TESK2: variants seen among roughly 807,000 people sequenced by gnomAD.
TESK2 encodes the protein dual specificity testis-specific protein kinase 2.
Under a neutral mutation model 57.1 loss-of-function variants are expected in TESK2, and 39 were observed. The observed-to-expected ratio is 0.68, with a 90% CI of 0.53 to 0.89. The LOEUF (loss-of-function observed/expected upper bound fraction) is 0.89, where lower values mean the gene tolerates loss of function less well. Ranked by LOEUF, TESK2 falls within the 40% of genes least tolerant of loss-of-function variation. TESK2 has a pLI of 0.00. For missense variants in TESK2, 646 were observed against 732.1 expected, an observed-to-expected ratio of 0.88 and a Z score of 1.36; for synonymous variants, 249 against 267.9, an observed-to-expected ratio of 0.93 and a Z score of 0.69.
At chr1:45,407,142 G>A (rs1649878105) in intron 3 of TESK2, among the ~76,000 whole-genome samples, 1 of 152,266 alleles carries the variant, frequency 6.6e-6, no homozygotes, top group East Asian at 1.9e-4. Context: ...CTAGAGTGCA[G>A]CGGTGTGATT....
At chr1:45,389,984 CT>C (rs963285345) in intron 3 of TESK2, among the ~76,000 whole-genome samples, 4 of 152,146 alleles carry the variant, frequency 2.6e-5, no homozygotes, top group African/African-American at 9.7e-5. Flanking sequence ...TCCCTTCTGC[CT>C]ACAGAATAAC....
At chr1:45,352,591 TGTC>T (rs1440193914) in intron 5 of TESK2, among the ~76,000 whole-genome samples, 1 of 152,198 alleles carries the variant, frequency 6.6e-6, no homozygotes, top group Non-Finnish European at 1.5e-5. Flanking sequence ...TCAGAAAACT[TGTC>T]GTCTATGTAG....
intron 3 of TESK2, among the ~76,000 whole-genome samples, chr1:45,390,495 CT>C (rs1235043731): frequency 1.3e-5 from 2 of 151,258 alleles, no homozygotes; most frequent in African/African-American, 4.9e-5. Flanking sequence ...CCCTTGCCCC[CT>C]CACTAAAATA....
chr1:45,448,610 CA>C (rs913638289), intron 2 of TESK2, among the ~76,000 whole-genome samples: 5 of 152,046 alleles, frequency 3.3e-5, no homozygotes, highest in African/African-American at 1.2e-4. Context: ...TTCTTTTAAA[CA>C]GCCAGATGTC....
intron 5 of TESK2, 55 bp downstream of exon 5, chr1:45,355,246 TTG>T: frequency 6.3e-7 from 1 of 1,584,292 alleles, no homozygotes; most frequent in Non-Finnish European, 8.6e-7. Flanking sequence ...CACAGCTTTC[TTG>T]GCAAAAGAGA....
intron 3 of TESK2, chr1:45,413,784 T>G (rs1650128850): frequency 4.4e-6 from 2 of 455,352 alleles, no homozygotes; most frequent in Non-Finnish European, 8.8e-6. Flanking sequence ...GGCACATCTG[T>G]GTAATCCTAG....
At chr1:45,466,865 T>C (rs566747068) in intron 1 of TESK2, among the ~76,000 whole-genome samples, 24 of 152,014 alleles carry the variant, frequency 1.6e-4, no homozygotes, top group Admixed American at 1.3e-3. Context: ...CTACATTTTA[T>C]ATTTATTAAC....
chr1:45,373,028 C>CAAAA lies in TESK2; in HGVS notation c.393+12880_393+12883dup, dbSNP rs200182758. Among the ~76,000 whole-genome samples, 15 of 61,008 alleles carry CAAAA rather than the reference C, an allele frequency of 2.5e-4. No individual in the cohort carries two copies. In the South Asian group the frequency reaches 7.2e-3, roughly 29 times the overall value. The allele number at this position is 61,008 out of a possible 152,430, so 40.0% of individuals were successfully genotyped here. A position where few individuals can be genotyped will look rare whatever the true frequency, so the allele number is the denominator to read the frequency against. On this transcript the variant is annotated intron_variant, in intron 4 of 10. Coordinates refer to ENST00000372086, the MANE Select transcript of TESK2 (RefSeq NM_007170.3). ...GGGCAACAAGAGCGAATCTCCGTCT[C>CAAAA]AAAAAAAAAAAAAAAAAAAGAAAAG...
Position 45,345,930 on chromosome 1 carries a change from C to T in TESK2, c.944G>A (p.Arg315His), listed in dbSNP as rs558510789. The T allele has an allele frequency of 4.6e-5, 74 of 1,614,106 alleles. No individual in the cohort carries two copies. In the East Asian group the frequency reaches 1.0e-3, roughly 22 times the overall value. Residue 315 changes from arginine (R) to histidine (H), a missense_variant, in exon 10 of 11, where the codon CGC (arginine) becomes CAC (histidine). Transcript: ENST00000372086. ...CCTCTCCTGCTCTTCTTCCTGTAGG[C>T]GGCTCAGAATTTCCTCCAGGGTCTT... ...IGKTLEEILS[R>H]LQEEEQERDR...
intron 1 of TESK2, among the ~76,000 whole-genome samples, chr1:45,466,948 C>A (rs189100648): frequency 6.6e-6 from 1 of 151,894 alleles, no homozygotes; most frequent in African/African-American, 2.4e-5. Flanking sequence ...AAGCATTCAA[C>A]TCCTGTTTGT....
intron 1 of TESK2, among the ~76,000 whole-genome samples, chr1:45,479,280 T>C (rs1479965025): frequency 6.6e-6 from 1 of 152,130 alleles, no homozygotes; most frequent in African/African-American, 2.4e-5. Context: ...ATACAAAGAA[T>C]AATAGGACTA....
intron 5 of TESK2, 21 bp downstream of exon 5, chr1:45,355,282 G>A (rs926561436): frequency 1.9e-6 from 3 of 1,612,440 alleles, no homozygotes; most frequent in Admixed American, 1.7e-5. Context: ...TCAATGAGTT[G>A]TGAGAGTAAA....
At position 45,355,322 on chromosome 1, in the gene TESK2, T is replaced by A; in HGVS notation, c.521A>T (p.His174Leu). ...TCATACCTTAGATGTGAGGTCCCGA[T>A]GAAAAATGCCTTTGAAGTGAAGGTA... Reference protein sequence around the residue: ...LSYLHFKGIFHRDLTSKNCLI... With the variant: ...LSYLHFKGIFLRDLTSKNCLI... The change falls in exon 5 of 11, where the codon CAT becomes CTT. Residue 174 changes from histidine (H) to leucine (L), a missense_variant. Coordinates refer to ENST00000372086, the MANE Select transcript of TESK2 (RefSeq NM_007170.3). 1 of 1,614,070 alleles carries A rather than the reference T, an allele frequency of 6.2e-7. No homozygotes were observed. Among genetic ancestry groups the A allele is most frequent in the South Asian group, 1.1e-5 (1 of 91,054 alleles).
At chr1:45,369,668 G>T (rs1648095214) in intron 4 of TESK2, among the ~76,000 whole-genome samples, 1 of 151,954 alleles carries the variant, frequency 6.6e-6, no homozygotes, top group African/African-American at 2.4e-5. Flanking sequence ...GGTTTTATGG[G>T]GAAATAAGCG....
At chr1:45,450,823 A>G (rs1651842292) in intron 2 of TESK2, among the ~76,000 whole-genome samples, 1 of 151,866 alleles carries the variant, frequency 6.6e-6, no homozygotes, top group South Asian at 2.1e-4. Flanking sequence ...CATGTGCACA[A>G]CGTGCAGGTT....
chr1:45,415,566 C>A (rs550496948), intron 3 of TESK2, among the ~76,000 whole-genome samples: 47 of 152,132 alleles, frequency 3.1e-4, no homozygotes, highest in Non-Finnish European at 5.9e-4. Flanking sequence ...ACAACAACAA[C>A]AACAAAGGCT....
At chr1:45,471,702 A>G (rs548650224) in intron 1 of TESK2, among the ~76,000 whole-genome samples, 7 of 152,070 alleles carry the variant, frequency 4.6e-5, no homozygotes, top group Admixed American at 2.6e-4. Flanking sequence ...CACTGCACCC[A>G]AACAAGATAA....
intron 4 of TESK2, among the ~76,000 whole-genome samples, chr1:45,371,760 T>C (rs1648195514): frequency 6.6e-6 from 1 of 151,686 alleles, no homozygotes; most frequent in Non-Finnish European, 1.5e-5. Context: ...CCCAGCTACT[T>C]GGGAGGCTGA....
chr1:45,435,252 AGGTAGTT>A (rs1394025887), intron 2 of TESK2, among the ~76,000 whole-genome samples: 1 of 151,936 alleles, frequency 6.6e-6, no homozygotes, highest in Non-Finnish European at 1.5e-5. Context: ...TCAGTCTCCC[AGGTAGTT>A]GGGACTACAG....
Sources: gnomAD v4.1 joint callset for allele counts (sites outside exome capture counted in the v4.1 genomes callset) on GRCh38, gnomAD v4.1.1 for gene constraint, MANE v1.5 for transcripts, NCBI Gene and HGNC (gene_info 2026-07-23, HGNC 2026-07-21) for gene names.